Variants in HECW1 observed in about 807,000 individuals in gnomAD.
The protein encoded by HECW1 is HECT, C2 and WW domain containing E3 ubiquitin protein ligase 1.
A neutral mutation model predicts 182.3 loss-of-function variants in HECW1; 61 were observed. That is an observed-to-expected ratio of 0.33 (90% CI 0.27 to 0.41). The LOEUF (loss-of-function observed/expected upper bound fraction) is 0.41, where lower values mean the gene tolerates loss of function less well. HECW1 is among the 10% of genes least tolerant of loss of function. The probability of loss-of-function intolerance (pLI) is 1.00; values close to 1 mark genes in which losing one functional copy is unlikely to be tolerated. For synonymous variants in HECW1, 859 were observed against 832.6 expected (o/e 1.03, Z -0.55); for missense variants, 1,739 against 2,108.9 (o/e 0.82, Z 3.44).
At chr7:43,330,500 G>T (rs1811327864) in intron 5 of HECW1, among the ~76,000 whole-genome samples, 1 of 152,170 alleles carries the variant, frequency 6.6e-6, no homozygotes. Flanking sequence ...TCAAGTTTTT[G>T]GTTTGATGAT....
chr7:43,480,192 G>C (rs2078373021), intron 17 of HECW1, among the ~76,000 whole-genome samples: 1 of 152,128 alleles, frequency 6.6e-6, no homozygotes, highest in Non-Finnish European at 1.5e-5. Flanking sequence ...AATTAACCAG[G>C]CCACAGGAAG....
chr7:43,446,018 A>G (rs1446133567), intron 11 of HECW1, among the ~76,000 whole-genome samples: 1 of 152,204 alleles, frequency 6.6e-6, no homozygotes, highest in African/African-American at 2.4e-5. Flanking sequence ...ATAGATGTTA[A>G]TATTAGTTGA....
intron 2 of HECW1, among the ~76,000 whole-genome samples, chr7:43,218,537 C>T (rs1796645547): frequency 6.6e-6 from 1 of 152,114 alleles, no homozygotes; most frequent in Non-Finnish European, 1.5e-5. Context: ...GGGAATGAAC[C>T]TGGCCACAGT....
At chr7:43,149,303 GAC>G (rs2152642691) in intron 2 of HECW1, among the ~76,000 whole-genome samples, 1 of 152,236 alleles carries the variant, frequency 6.6e-6, no homozygotes, top group South Asian at 2.1e-4. Context: ...CACTGAGAAA[GAC>G]ACATCACTTC....
chr7:43,154,238 A>G (rs1410217847), intron 2 of HECW1, among the ~76,000 whole-genome samples: 1 of 152,172 alleles, frequency 6.6e-6, no homozygotes, highest in Admixed American at 6.5e-5. Flanking sequence ...ATTGTGGTCC[A>G]GTGATGTGGT....
chr7:43,524,697 GA>G (rs1161658496), intron 24 of HECW1, among the ~76,000 whole-genome samples: 1 of 152,214 alleles, frequency 6.6e-6, no homozygotes, highest in Non-Finnish European at 1.5e-5. Context: ...TGCCCATGCA[GA>G]GCTAAAATTG....
rs951766570 is a variant in HECW1, at chr7:43,237,110, G to A, written c.-31-6765G>A. 4.6e-5 allele frequency among the ~76,000 whole-genome samples: 7 copies of A among 151,450 alleles called. No homozygotes were observed. The East Asian group carries it at 1.4e-3, about 30-fold the overall frequency. ...GGAAGCAGGGATGGGAGGGAGGGAA[G>A]AAAGAAAAAAAGAAGGAAGGAAGGA... On this transcript the variant is annotated intron_variant, in intron 2 of 29. Transcript: ENST00000395891.
At chr7:43,502,837 A>G (rs2079419755) in intron 21 of HECW1, among the ~76,000 whole-genome samples, 1 of 152,176 alleles carries the variant, frequency 6.6e-6, no homozygotes. Flanking sequence ...AGTTTGAAAC[A>G]TGTAGGAACA....
chr7:43,279,612 G>A (rs1034584418), intron 3 of HECW1, among the ~76,000 whole-genome samples: 1 of 152,102 alleles, frequency 6.6e-6, no homozygotes, highest in Non-Finnish European at 1.5e-5. Flanking sequence ...TGCCTAGAAT[G>A]TGCGCCCTCC....
rs758173858 is a variant in HECW1, at chr7:43,311,891, C to T, written c.156C>T (p.Asp52=). The T allele has an allele frequency of 3.1e-6, 5 of 1,614,232 alleles. No individual in the cohort carries two copies. Among genetic ancestry groups the T allele is most frequent in the Non-Finnish European group, 4.2e-6 (5 of 1,180,048 alleles). Residue 52 remains aspartate, a synonymous_variant, in exon 4 of 30, where the codon GAC becomes GAT. Coordinates refer to ENST00000395891, the MANE Select transcript of HECW1 (RefSeq NM_015052.5). ...SYNPDQFHNM[D]LRGGPHDGVT... The stretch of plus-strand genomic sequence containing the variant: ...ACCCCGACCAGTTCCACAACATGGA[C>T]CTCAGGGGCGGCCCCCACGATGGCG...
intron 9 of HECW1, chr7:43,438,689 A>T (rs1378598197): frequency 1.3e-5 from 2 of 152,268 alleles, no homozygotes; most frequent in African/African-American, 4.8e-5. Context: ...ATTGTATATG[A>T]GAATGGGTTT....
intron 2 of HECW1, among the ~76,000 whole-genome samples, chr7:43,212,498 A>G (rs567240321): frequency 1.1e-3 from 169 of 152,320 alleles, no homozygotes; most frequent in African/African-American, 3.9e-3. Flanking sequence ...GTATTTATAC[A>G]TGAGACTCAT....
intron 2 of HECW1, among the ~76,000 whole-genome samples, chr7:43,175,096 T>G (rs1337192224): frequency 6.6e-6 from 1 of 152,140 alleles, no homozygotes; most frequent in Non-Finnish European, 1.5e-5. Context: ...TTATGAAATT[T>G]TTCTCTTTTT....
rs774468913 is a variant in HECW1, at chr7:43,444,471, G to A, written c.1299G>A (p.Val433=). The A allele has an allele frequency of 1.9e-6, 3 of 1,613,282 alleles. No individual in the cohort carries two copies. The highest frequency in any genetic ancestry group is 3.3e-4 in the Middle Eastern group (2 of 6,062). ...TEAGDQGMVS[V]GPEGAGELLA... is the part of the protein sequence containing the mutation. ...CAGGAGACCAGGGCATGGTCTCTGT[G>A]GGACCTGAAGGGGCTGGGGAGCTCC... Residue 433 remains valine (V), a synonymous_variant, in exon 11 of 30, where the codon GTG becomes GTA. Transcript: ENST00000395891. This position sits in a 1 kb window ranked among gnomAD's most constrained non-coding sequence, Gnocchi z 4.3.
intron 3 of HECW1, among the ~76,000 whole-genome samples, chr7:43,307,899 C>CATAT (rs1311991541): frequency 5.4e-4 from 67 of 124,308 alleles, no homozygotes; most frequent in Admixed American, 2.3e-3. Context: ...TATATATACA[C>CATAT]ATATATATAT....
chr7:43,479,651 T>G lies in HECW1; in HGVS notation c.3141T>G (p.Ile1047Met). The G allele has an allele frequency of 6.2e-7, 1 of 1,614,112 alleles. No homozygotes were observed. Among genetic ancestry groups the G allele is most frequent in the South Asian group, 1.1e-5 (1 of 91,076 alleles). The change falls in exon 17 of 30, where the codon ATT (isoleucine) becomes ATG (methionine). Residue 1047 changes from isoleucine (I) to methionine (M), a missense_variant. By Grantham distance (10) the Ile-to-Met change is conservative. This residue lies in a region of HECW1 where 971 missense variants were observed against 1,029.1 expected (regional missense o/e 0.94). Coordinates refer to ENST00000395891, the MANE Select transcript of HECW1 (RefSeq NM_015052.5). ...ACAACAGTCGAGCTACCACTTTCAT[T>G]GACCCCCGAATCCCTCTTCAGAACG... is the stretch of plus-strand genomic sequence containing the variant. ...VDHNSRATTF[I>M]DPRIPLQNGR...
intron 13 of HECW1, among the ~76,000 whole-genome samples, chr7:43,457,434 G>T (rs1309352855): frequency 6.6e-6 from 1 of 152,192 alleles, no homozygotes; most frequent in African/African-American, 2.4e-5. Flanking sequence ...AGACTTAACT[G>T]TTATCTGCCA....
chr7:43,507,077 A>G, intron 21 of HECW1, 60 bp from the exon 22 acceptor site: 2 of 1,571,696 alleles, frequency 1.3e-6, no homozygotes, highest in Non-Finnish European at 1.7e-6. Flanking sequence ...CTCAAAAAAG[A>G]AAAAAAGAAG....
intron 5 of HECW1, among the ~76,000 whole-genome samples, chr7:43,339,605 AT>A (rs1812712869): frequency 6.6e-6 from 1 of 152,040 alleles, no homozygotes; most frequent in African/African-American, 2.4e-5. Context: ...GTACTTGGTA[AT>A]TTTCTGTCAA....
Sources: gnomAD v4.1 joint callset for allele counts (sites outside exome capture counted in the v4.1 genomes callset) on GRCh38, gnomAD v4.1.1 for gene constraint, gnomAD v4.1.1 regional missense constraint, Gnocchi (gnomAD v3.1) non-coding constraint, MANE v1.5 for transcripts, NCBI Gene and HGNC (gene_info 2026-07-23, HGNC 2026-07-21) for gene names.